Variants in PFKP observed in about 807,000 individuals in gnomAD.
PFKP encodes the protein ATP-dependent 6-phosphofructokinase, platelet type.
PFKP carries 101 observed loss-of-function variants against 94.3 expected under a neutral mutation model. That is an observed-to-expected ratio of 1.07 (90% CI 0.91 to 1.26). The LOEUF is 1.26. Ranked by LOEUF, PFKP falls within the 50% of genes most tolerant of loss-of-function variation. The pLI, the probability that PFKP is intolerant of heterozygous loss-of-function variation, is 0.00. For synonymous variants in PFKP, 573 were observed against 432.6 expected (o/e 1.32, Z -4.03); for missense variants, 1,145 against 1,103.3 (o/e 1.04, Z -0.53).
intron 9 of PFKP, among the ~76,000 whole-genome samples, 172 bp downstream of exon 9, chr10:3,108,965 G>T (rs1835895015): frequency 6.6e-6 from 1 of 152,168 alleles, no homozygotes; most frequent in African/African-American, 2.4e-5. Flanking sequence ...CAGTCTCTAG[G>T]CCTGCAGCCA....
chr10:3,107,832 A>C (rs1448556520), intron 8 of PFKP: 1 of 1,253,700 alleles, frequency 8.0e-7, no homozygotes, highest in African/African-American at 1.6e-5. Context: ...GGACTTGCTC[A>C]GGCCAGTGCC....
chr10:3,076,573 TC>T (rs1832613002), intron 1 of PFKP, among the ~76,000 whole-genome samples: 1 of 152,076 alleles, frequency 6.6e-6, no homozygotes, highest in Non-Finnish European at 1.5e-5. Flanking sequence ...TTGTTATTTT[TC>T]TCCTTAGCAC....
chr10:3,088,654 T>G (rs564646733), intron 2 of PFKP, among the ~76,000 whole-genome samples: 1 of 152,342 alleles, frequency 6.6e-6, no homozygotes, highest in East Asian at 1.9e-4. Context: ...TATTTTTAAT[T>G]ATTATGGATA....
At chr10:3,081,710 T>TATGATACATTGTAAGCAGACTTATATG (rs1238930115) in intron 1 of PFKP, among the ~76,000 whole-genome samples, 7 of 152,216 alleles carry the variant, frequency 4.6e-5, no homozygotes, top group Admixed American at 1.3e-4. Context: ...CTAACAGACT[T>TATGATACATTGTAAGCAGACTTATATG]ATGATACATT....
At chr10:3,082,545 TC>T (rs1008777611) in intron 2 of PFKP, 84 bp downstream of exon 2, 5 of 934,418 alleles carry the variant, frequency 5.4e-6, no homozygotes, top group East Asian at 2.6e-5. Context: ...CACCCCTGCC[TC>T]CCCCATGCTG....
chr10:3,117,454 A>T (rs1341440145), intron 14 of PFKP, among the ~76,000 whole-genome samples: 2 of 152,342 alleles, frequency 1.3e-5, no homozygotes, highest in East Asian at 3.9e-4. Context: ...ACTACACATT[A>T]CAATTTCACA....
intron 1 of PFKP, chr10:3,068,636 T>C (rs1831924527): frequency 2.0e-6 from 2 of 984,470 alleles, no homozygotes; most frequent in Non-Finnish European, 2.4e-6. Context: ...TATTTAACAT[T>C]GAAGAGCGGA....
rs767630844 is a variant in PFKP at position 3,101,432 on chromosome 10, C to T, written c.332C>T (p.Ala111Val). The T allele has an allele frequency of 6.2e-7, 1 of 1,609,186 alleles. No individual in the cohort carries two copies. Among genetic ancestry groups the T allele is most frequent in the Non-Finnish European group, 8.5e-7 (1 of 1,178,316 alleles). Residue 111 changes from alanine (A) to valine (V), a missense_variant, in exon 4 of 22, where the codon GCT becomes GTT. Physicochemically the swap from Ala to Val is moderately conservative, Grantham distance 64. This residue lies in a region of PFKP where 1,119 missense variants were observed against 1,062.8 expected (regional missense o/e 1.05). Coordinates refer to ENST00000381125, the MANE Select transcript of PFKP (RefSeq NM_002627.5). ...ACGCGGGAAGGCCGCCTGAAGGCTG[C>T]TTGCAACCTGCTGCAGCGCGGCATC... The part of the protein sequence containing the change: ...FRTREGRLKA[A>V]CNLLQRGITN...
chr10:3,130,053 T>TG, intron 17 of PFKP, 70 bp downstream of exon 17: 1 of 1,405,860 alleles, frequency 7.1e-7, no homozygotes, highest in Non-Finnish European at 9.6e-7. Flanking sequence ...TGAATCATCG[T>TG]GTCTAGGGTG....
At position 3,108,800 on chromosome 10, in the gene PFKP, T is replaced by TG. The variant is rs749395818; in HGVS notation, c.963+10dup. On this transcript the variant is annotated splice_region_variant and intron_variant, in intron 9 of 21. Transcript: ENST00000381125. Reference sequence around the variant, plus strand: ...GGCATTCGACAGGATCTTGGTGAGTTGGGAAGGGTTGGGCATCTTCACAAG... The same window carrying TG: ...GGCATTCGACAGGATCTTGGTGAGTTGGGGAAGGGTTGGGCATCTTCACAAG... The TG allele has an allele frequency of 1.5e-5, 23 of 1,581,222 alleles. No homozygotes were observed. The highest frequency in any genetic ancestry group is 1.9e-5 in the Non-Finnish European group (22 of 1,150,248).
At chr10:3,124,943 C>T (rs1482574092) in intron 16 of PFKP, among the ~76,000 whole-genome samples, 1 of 152,224 alleles carries the variant, frequency 6.6e-6, no homozygotes, top group Non-Finnish European at 1.5e-5. Flanking sequence ...TCTCGCACGG[C>T]CTCCAGAGCC....
chr10:3,101,122 T>C, intron 3 of PFKP: 3 of 846,182 alleles, frequency 3.5e-6, no homozygotes, highest in South Asian at 2.9e-5. Context: ...GGCTGCCGTG[T>C]GTCTGGCTCT....
At chr10:3,121,590 T>G (rs1184918264) in intron 16 of PFKP, among the ~76,000 whole-genome samples, 1 of 151,348 alleles carries the variant, frequency 6.6e-6, no homozygotes, top group Non-Finnish European at 1.5e-5. Context: ...TGTTTTTTTT[T>G]TTTTTTTTTC....
chr10:3,068,429 G>C (rs1214238416), intron 1 of PFKP, among the ~76,000 whole-genome samples: 1 of 152,164 alleles, frequency 6.6e-6, no homozygotes, highest in Non-Finnish European at 1.5e-5. Flanking sequence ...CTTCCGGCTC[G>C]TGACAAAAAC....
chr10:3,132,560 C>T, intron 18 of PFKP, 119 bp downstream of exon 18: 4 of 702,226 alleles, frequency 5.7e-6, no homozygotes, highest in South Asian at 3.3e-5. Flanking sequence ...GTGCACTACA[C>T]ACACTGAGCA....
chr10:3,095,866 A>G (rs1463364238), intron 2 of PFKP, among the ~76,000 whole-genome samples: 2 of 152,288 alleles, frequency 1.3e-5, no homozygotes, highest in Non-Finnish European at 2.9e-5. Flanking sequence ...TTTGCAAATT[A>G]AAGAATGAGT....
At chr10:3,080,126 G>GT (rs1832935832) in intron 1 of PFKP, among the ~76,000 whole-genome samples, 1 of 152,176 alleles carries the variant, frequency 6.6e-6, no homozygotes, top group Non-Finnish European at 1.5e-5. Flanking sequence ...TGCCAGACAG[G>GT]TGGGAGGTCC....
At chr10:3,088,216 A>G (rs1314886789) in intron 2 of PFKP, among the ~76,000 whole-genome samples, 1 of 137,722 alleles carries the variant, frequency 7.3e-6, no homozygotes, top group African/African-American at 2.8e-5. Context: ...TCATTGTTCA[A>G]TTCCCACCTA....
intron 17 of PFKP, among the ~76,000 whole-genome samples, chr10:3,132,122 G>C (rs1838654242): frequency 6.6e-6 from 1 of 152,130 alleles, no homozygotes; most frequent in Admixed American, 6.5e-5. Context: ...TTTTCAGAGG[G>C]ACCCTGTTGA....
Sources: gnomAD v4.1 joint callset for allele counts (sites outside exome capture counted in the v4.1 genomes callset) on GRCh38, gnomAD v4.1.1 for gene constraint, gnomAD v4.1.1 regional missense constraint, MANE v1.5 for transcripts, NCBI Gene and HGNC (gene_info 2026-07-23, HGNC 2026-07-21) for gene names.